The following GHRHR variants were observed in gnomAD, a reference collection of about 807,000 sequenced individuals.
GHRHR encodes the protein growth hormone releasing hormone receptor, also known as growth hormone-releasing hormone receptor.
Under a neutral mutation model 58.3 loss-of-function variants are expected in GHRHR, and 40 were observed. The ratio of observed to expected loss-of-function variants is 0.69; its 90% CI spans 0.53 to 0.89. GHRHR has a LOEUF of 0.89. Ranked by LOEUF, GHRHR falls within the 40% of genes least tolerant of loss-of-function variation. The probability of loss-of-function intolerance (pLI) is 0.00; values close to 1 mark genes in which losing one functional copy is unlikely to be tolerated. For synonymous variants in GHRHR, 249 were observed against 216.6 expected (o/e 1.15, Z -1.31); for missense variants, 551 against 541.3 (o/e 1.02, Z -0.18).
intron 8 of GHRHR, 74 bp downstream of exon 8, chr7:30,974,563 C>A: frequency 9.4e-7 from 1 of 1,062,548 alleles, no homozygotes; most frequent in Non-Finnish European, 1.5e-6. Flanking sequence ...AGGCCATGGG[C>A]TGTTCTCCAG....
At chr7:30,966,794 C>G (rs920892576) in intron 1 of GHRHR, among the ~76,000 whole-genome samples, 4 of 152,190 alleles carry the variant, frequency 2.6e-5, no homozygotes, top group Non-Finnish European at 5.9e-5. Flanking sequence ...AGGAGCGTGT[C>G]ATCACACCCA....
intron 4 of GHRHR, chr7:30,970,890 C>A: frequency 1.7e-6 from 1 of 599,216 alleles, no homozygotes; most frequent in Non-Finnish European, 3.0e-6. Flanking sequence ...TTAAGCATCT[C>A]CACTCCTCGC....
chr7:30,969,585 G>T, intron 3 of GHRHR: 1 of 606,164 alleles, frequency 1.6e-6, no homozygotes, highest in Non-Finnish European at 2.9e-6. Flanking sequence ...TCTCCCTACT[G>T]CCCTTAGGAT....
chr7:30,970,711 GT>G (rs1286960383), intron 4 of GHRHR, among the ~76,000 whole-genome samples: 1 of 152,200 alleles, frequency 6.6e-6, no homozygotes, highest in Non-Finnish European at 1.5e-5. Context: ...GCCTGTGGCT[GT>G]CCCCAGGTGT....
Position 30,979,145 on chromosome 7 carries a change from G to C in GHRHR, c.1173G>C (p.Trp391Cys), listed in dbSNP as rs1002240455. The C allele has an allele frequency of 6.2e-7, 1 of 1,613,676 alleles. No homozygotes were observed. The highest frequency in any genetic ancestry group is 8.5e-7 in the Non-Finnish European group (1 of 1,179,594). Reference sequence around the variant, plus strand: ...TGAGGACTGAGATCTCACGGAAGTGGCATGGCCATGACCCTGAGCTTCTGC... The same window carrying C: ...TGAGGACTGAGATCTCACGGAAGTGCCATGGCCATGACCCTGAGCTTCTGC... Reference protein sequence around the residue: ...QEVRTEISRKWHGHDPELLPA... With the variant: ...QEVRTEISRKCHGHDPELLPA... The change falls in exon 13 of 13, where the codon TGG (tryptophan) becomes TGC (cysteine). Residue 391 changes from tryptophan (W) to cysteine (C), a missense_variant. Coordinates refer to ENST00000326139, the MANE Select transcript of GHRHR (RefSeq NM_000823.4).
rs1584415819 is a variant in GHRHR at position 30,975,239 on chromosome 7, C to T, written c.882+199C>T. The stretch of plus-strand genomic sequence containing the variant: ...GGTAAAACTAGAGGGGTGGTGGTCT[C>T]CATCAGCATGCAGGCTGTTCCAGCT... On this transcript the variant is annotated intron_variant, in intron 9 of 12. Coordinates refer to ENST00000326139, the MANE Select transcript of GHRHR (RefSeq NM_000823.4). Among the ~76,000 whole-genome samples the T allele has an allele frequency of 3.3e-5, 5 of 152,262 alleles. No homozygotes were observed. In the Middle Eastern group the frequency reaches 0.01, roughly 311 times the overall value.
intron 12 of GHRHR, among the ~76,000 whole-genome samples, chr7:30,977,802 C>G (rs1368477634): frequency 6.6e-6 from 1 of 152,126 alleles, no homozygotes; most frequent in Non-Finnish European, 1.5e-5. Context: ...GCCCAAGAAA[C>G]AGAGAGAGCA....
rs912646928 is a variant in GHRHR, at chr7:30,968,317, G to A, written c.58-517G>A. ...AGGGAGCAGGAGTGGAGAGCAAGGAGAATGACACAGGGAAGGAGGAAAGGC... is the reference window on the plus strand; with the variant it reads ...AGGGAGCAGGAGTGGAGAGCAAGGAAAATGACACAGGGAAGGAGGAAAGGC... On this transcript the variant is annotated intron_variant, in intron 1 of 12. Coordinates refer to ENST00000326139, the MANE Select transcript of GHRHR (RefSeq NM_000823.4). 2.6e-5 allele frequency among the ~76,000 whole-genome samples: 4 copies of A among 152,090 alleles called. 1 individual carries two copies. The highest frequency in any genetic ancestry group is 1.3e-4 in the Admixed American group (2 of 15,268).
rs917355343 is a variant in GHRHR, at chr7:30,964,105, G to T, written c.37G>T (p.Val13Leu). 1 of 1,549,906 alleles carries T rather than the reference G, an allele frequency of 6.5e-7. No individual in the cohort carries two copies. The highest frequency in any genetic ancestry group is 8.7e-7 in the Non-Finnish European group (1 of 1,146,962). ...RRMWGAHVFC[V>L]LSPLPTVLGH... ...GATGTGGGGGGCCCACGTCTTCTGCGTGTTGAGCCCGTTACCGACCGTGAG... is the reference window on the plus strand; with the variant it reads ...GATGTGGGGGGCCCACGTCTTCTGCTTGTTGAGCCCGTTACCGACCGTGAG... Residue 13 changes from valine to leucine, a missense_variant, in exon 1 of 13, where the codon GTG (valine) becomes TTG (leucine). Physicochemically the swap from Val to Leu is conservative, Grantham distance 32. Coordinates refer to ENST00000326139, the MANE Select transcript of GHRHR (RefSeq NM_000823.4).
At chr7:30,964,161 C>T in intron 1 of GHRHR, 36 bp downstream of exon 1, 2 of 1,532,082 alleles carry the variant, frequency 1.3e-6, no homozygotes, top group Non-Finnish European at 1.8e-6. Flanking sequence ...GCCTCTGCCA[C>T]TGGGCTCCAG....
intron 4 of GHRHR, among the ~76,000 whole-genome samples, chr7:30,970,768 T>C (rs1212011304): frequency 6.6e-6 from 1 of 152,206 alleles, no homozygotes; most frequent in Non-Finnish European, 1.5e-5. Context: ...CCCAAGCTGG[T>C]GAGCAAGCTG....
At chr7:30,975,482 T>G (rs1385984864) in intron 9 of GHRHR, among the ~76,000 whole-genome samples, 1 of 152,202 alleles carries the variant, frequency 6.6e-6, no homozygotes, top group African/African-American at 2.4e-5. Context: ...GAGGGACATC[T>G]GCTTTGTGCT....
chr7:30,972,442 G>C (rs1015329755), intron 6 of GHRHR, among the ~76,000 whole-genome samples: 1 of 152,190 alleles, frequency 6.6e-6, no homozygotes, highest in African/African-American at 2.4e-5. Flanking sequence ...AAGGGGCTGG[G>C]AGGAGCTGGG....
intron 11 of GHRHR, 113 bp downstream of exon 11, chr7:30,976,671 A>G (rs1792591325): frequency 2.3e-6 from 2 of 856,210 alleles, no homozygotes; most frequent in Non-Finnish European, 3.8e-6. Flanking sequence ...TTTTTCATCC[A>G]TCTATTCAAA....
chr7:30,972,286 G>T (rs903510684), intron 6 of GHRHR, 191 bp downstream of exon 6: 2 of 632,174 alleles, frequency 3.2e-6, no homozygotes, highest in Non-Finnish European at 2.8e-6. Context: ...CCTGGACTGT[G>T]GTGTCGATCC....
Position 30,979,418 on chromosome 7 carries a change from T to A in GHRHR, c.*174T>A, listed in dbSNP as rs937975432. The A allele has an allele frequency of 1.6e-6, 1 of 641,126 alleles. No homozygotes were observed. The highest frequency in any genetic ancestry group is 1.6e-5 in the South Asian group (1 of 61,674). 39.7% of individuals were successfully genotyped at this position (641,126 alleles called of 1,614,324 possible). A position where few individuals can be genotyped will look rare whatever the true frequency, so the allele number is the denominator to read the frequency against. On this transcript the variant is annotated 3_prime_UTR_variant, in exon 13 of 13. Transcript: ENST00000326139. Reference sequence around the variant, plus strand: ...CTGACTCTCTTTTGAGGTCCCTGTATGTCTACCTCTGACTTCTGTGGTCCC... The same window carrying A: ...CTGACTCTCTTTTGAGGTCCCTGTAAGTCTACCTCTGACTTCTGTGGTCCC...
At chr7:30,965,208 C>T (rs1002721984) in intron 1 of GHRHR, among the ~76,000 whole-genome samples, 18 of 152,320 alleles carry the variant, frequency 1.2e-4, no homozygotes, top group Admixed American at 1.0e-3. Context: ...GTGCACTCTA[C>T]AGCAAAAGCT....
intron 1 of GHRHR, 132 bp from the exon 2 acceptor site, chr7:30,968,702 T>C: frequency 3.0e-5 from 14 of 469,532 alleles, no homozygotes; most frequent in South Asian, 2.2e-4. Flanking sequence ...GAAACTACTG[T>C]GAGCAGGTCT....
intron 2 of GHRHR, 60 bp downstream of exon 2, chr7:30,968,996 C>A (rs1238435326): frequency 1.9e-6 from 3 of 1,541,238 alleles, no homozygotes; most frequent in Admixed American, 3.4e-5. Context: ...TCCAGCCTCA[C>A]CCCTCGGATT....
Sources: allele counts gnomAD v4.1 joint callset (sites outside exome capture counted in the v4.1 genomes callset), GRCh38; gene constraint gnomAD v4.1.1; transcripts MANE v1.5; gene names NCBI Gene and HGNC (gene_info 2026-07-23, HGNC 2026-07-21).